KDM4C: variants seen among roughly 807,000 people sequenced by gnomAD.
KDM4C encodes lysine-specific demethylase 4C.
A neutral mutation model predicts 129.3 loss-of-function variants in KDM4C; 81 were observed. The ratio of observed to expected loss-of-function variants is 0.63; its 90% confidence interval spans 0.52 to 0.75. The LOEUF (loss-of-function observed/expected upper bound fraction) is 0.75. Among genes scored for constraint, KDM4C ranks in the 30% least tolerant of loss-of-function variants. The pLI is 0.00. For missense variants in KDM4C, 1,457 were observed against 1,304.0 expected (o/e 1.12, Z -1.81); for synonymous variants, 573 against 456.1 (o/e 1.26, Z -3.26).
chr9:6,799,372 G>C (rs1006957699), intron 2 of KDM4C, among the ~76,000 whole-genome samples: 3 of 152,152 alleles, frequency 2.0e-5, no homozygotes, highest in African/African-American at 7.2e-5. Flanking sequence ...AGACCAGCCC[G>C]GCCAACACAG....
intron 19 of KDM4C, among the ~76,000 whole-genome samples, chr9:7,160,790 G>T (rs1431880385): frequency 1.3e-5 from 2 of 152,184 alleles, no homozygotes; most frequent in South Asian, 2.1e-4. Flanking sequence ...GGGAGTCAGG[G>T]ACCCACCTGA....
At chr9:7,053,978 C>T (rs562764531) in intron 17 of KDM4C, among the ~76,000 whole-genome samples, 1 of 152,320 alleles carries the variant, frequency 6.6e-6, no homozygotes, top group East Asian at 1.9e-4. Flanking sequence ...ATATTTAATG[C>T]AGGTTTTATA....
intron 21 of KDM4C, 126 bp from the exon 22 acceptor site, chr9:7,174,427 C>G: frequency 2.4e-6 from 2 of 826,288 alleles, no homozygotes; most frequent in South Asian, 3.4e-5. Context: ...GCCTGGGGCC[C>G]TTTTAGCCTG....
chr9:6,748,647 G>T (rs1817963963), intron 1 of KDM4C: 1 of 918,604 alleles, frequency 1.1e-6, no homozygotes, highest in African/African-American at 1.6e-5. Context: ...TTGGACAAAG[G>T]ACGTCTAAAA....
intron 18 of KDM4C, among the ~76,000 whole-genome samples, chr9:7,117,902 A>G (rs1447212396): frequency 1.3e-5 from 2 of 152,196 alleles, no homozygotes; most frequent in African/African-American, 4.8e-5. Context: ...CCACCTGTCT[A>G]ACTAATGTGA....
intron 5 of KDM4C, among the ~76,000 whole-genome samples, chr9:6,856,608 CTG>C (rs1362307214): frequency 6.6e-6 from 1 of 150,392 alleles, no homozygotes; most frequent in Non-Finnish European, 1.5e-5. Flanking sequence ...GAGTCTCACT[CTG>C]TTTCCCGGGC....
intron 17 of KDM4C, among the ~76,000 whole-genome samples, chr9:7,090,672 C>CA (rs1835687517): frequency 6.6e-6 from 1 of 152,190 alleles, no homozygotes; most frequent in Non-Finnish European, 1.5e-5. Context: ...TTCAGAACTG[C>CA]AGAATAGTCA....
chr9:6,767,705 C>T (rs997595340), intron 1 of KDM4C, among the ~76,000 whole-genome samples: 4 of 151,690 alleles, frequency 2.6e-5, no homozygotes, highest in African/African-American at 7.3e-5. Context: ...AGGTGATGTC[C>T]GCTTCAGCCT....
intron 8 of KDM4C, among the ~76,000 whole-genome samples, chr9:6,969,610 C>T (rs147772282): frequency 1.3e-4 from 20 of 152,298 alleles, no homozygotes; most frequent in Admixed American, 6.5e-4. Flanking sequence ...TACCTGATAA[C>T]GCATTCCATC....
chr9:6,767,763 G>A (rs971382367), intron 1 of KDM4C, among the ~76,000 whole-genome samples: 1 of 152,076 alleles, frequency 6.6e-6, no homozygotes, highest in Non-Finnish European at 1.5e-5. Flanking sequence ...TTGGCCATCT[G>A]GCCATCTATT....
At chr9:7,132,833 A>G (rs1293167055) in intron 19 of KDM4C, among the ~76,000 whole-genome samples, 1 of 152,192 alleles carries the variant, frequency 6.6e-6, no homozygotes, top group African/African-American at 2.4e-5. Context: ...TACGGTGGAC[A>G]CTTGAGTTCT....
intron 4 of KDM4C, among the ~76,000 whole-genome samples, chr9:6,834,103 A>G (rs1283367319): frequency 2.2e-5 from 3 of 134,938 alleles, no homozygotes; most frequent in Admixed American, 8.6e-5. Flanking sequence ...CAGTGATGCA[A>G]TCTTGGCTCA....
chr9:6,847,568 T>G (rs746103107), intron 4 of KDM4C, among the ~76,000 whole-genome samples: 1 of 152,154 alleles, frequency 6.6e-6, no homozygotes, highest in Non-Finnish European at 1.5e-5. Flanking sequence ...TTTTTTGTAT[T>G]TTTAGTAGAG....
intron 3 of KDM4C, among the ~76,000 whole-genome samples, chr9:6,813,763 A>G (rs952528580): frequency 2.0e-5 from 3 of 152,154 alleles, no homozygotes; most frequent in Non-Finnish European, 4.4e-5. Context: ...AATTTGGTGT[A>G]CATTTCTTTC....
chr9:6,988,149 C>G (rs1045389025), intron 11 of KDM4C, among the ~76,000 whole-genome samples: 9 of 116,174 alleles, frequency 7.7e-5, no homozygotes, highest in African/African-American at 2.8e-4. Flanking sequence ...AGTGAGAGAC[C>G]CTGTCTCTTA....
At position 6,725,711 on chromosome 9, in the gene KDM4C, CTTTTT is replaced by C. The variant is rs201307657; in HGVS notation, c.49+4726_49+4730del. On this transcript the variant is annotated intron_variant, in intron 1 of 17. Transcript: ENST00000536108. ...TCTTTCTTTTCTTTTCTTTTCTTTTCTTTTTTTTTTTTTTTTGAGACAGAGTCTGG... is the reference window on the plus strand; with the variant it reads ...TCTTTCTTTTCTTTTCTTTTCTTTTCTTTTTTTTTTTGAGACAGAGTCTGG... Among the ~76,000 whole-genome samples, 9 of 86,480 alleles carry C rather than the reference CTTTTT, an allele frequency of 1.0e-4. No homozygotes were observed. The South Asian group carries it at 2.0e-3, about 20-fold the overall frequency. 56.7% of individuals were successfully genotyped at this position (86,480 alleles called of 152,430 possible).
intron 8 of KDM4C, among the ~76,000 whole-genome samples, chr9:6,898,965 G>T (rs1325278899): frequency 6.6e-6 from 1 of 151,882 alleles, no homozygotes; most frequent in Admixed American, 6.6e-5. Flanking sequence ...TTTGAGTATT[G>T]TTCATTTTAA....
intron 4 of KDM4C, among the ~76,000 whole-genome samples, chr9:6,843,278 A>AATGGGCTGTGAATCCGT (rs1279729100): frequency 1.3e-5 from 2 of 152,206 alleles, no homozygotes; most frequent in Non-Finnish European, 2.9e-5. Flanking sequence ...TTTGAAGTGG[A>AATGGGCTGTGAATCCGT]ATGGGCTGTG....
At chr9:6,859,158 A>G (rs1425228015) in intron 5 of KDM4C, among the ~76,000 whole-genome samples, 1 of 152,174 alleles carries the variant, frequency 6.6e-6, no homozygotes, top group Non-Finnish European at 1.5e-5. Context: ...GATGTTTGCC[A>G]GGAACCATAC....
Sources: allele counts gnomAD v4.1 joint callset (sites outside exome capture counted in the v4.1 genomes callset), GRCh38; gene constraint gnomAD v4.1.1; transcripts MANE v1.5; gene names NCBI Gene and HGNC (gene_info 2026-07-23, HGNC 2026-07-21).